EDIL3: variants seen among roughly 807,000 people sequenced by gnomAD.
EDIL3 encodes the protein EGF like and discoidin domains 3.
Under a neutral mutation model 67.4 loss-of-function variants are expected in EDIL3, and 37 were observed. That is an observed-to-expected ratio of 0.55 (90% CI 0.42 to 0.72). The LOEUF (loss-of-function observed/expected upper bound fraction) is 0.72, where lower values mean the gene tolerates loss of function less well. EDIL3 is among the 30% of genes least tolerant of loss of function. The pLI, the probability that EDIL3 is intolerant of heterozygous loss-of-function variation, is 0.00. For synonymous variants in EDIL3, 195 were observed against 196.3 expected, an observed-to-expected ratio of 0.99 and a Z score of 0.05; for missense variants, 527 against 586.3, an observed-to-expected ratio of 0.90 and a Z score of 1.04.
At chr5:84,103,516 C>T (rs1010167247) in intron 6 of EDIL3, among the ~76,000 whole-genome samples, 1 of 150,570 alleles carries the variant, frequency 6.6e-6, no homozygotes, top group Non-Finnish European at 1.5e-5. Context: ...CTTAAATTTT[C>T]AAGAAAAAAA....
At chr5:84,195,936 A>C (rs898999466) in intron 3 of EDIL3, among the ~76,000 whole-genome samples, 5 of 151,964 alleles carry the variant, frequency 3.3e-5, no homozygotes, top group African/African-American at 1.2e-4. Flanking sequence ...GGAGCTACCT[A>C]AGCCCACCTC....
chr5:84,165,691 C>T (rs1174573946), intron 4 of EDIL3, among the ~76,000 whole-genome samples: 1 of 152,040 alleles, frequency 6.6e-6, no homozygotes, highest in Non-Finnish European at 1.5e-5. Context: ...ATGGCTCTCT[C>T]GATAATCTTG....
intron 9 of EDIL3, among the ~76,000 whole-genome samples, chr5:84,019,495 T>C (rs902640924): frequency 2.6e-5 from 4 of 152,096 alleles, no homozygotes; most frequent in Admixed American, 1.3e-4. Context: ...TATACATATG[T>C]AACAAACCTG....
At chr5:84,327,372 T>G (rs1168142885) in intron 1 of EDIL3, among the ~76,000 whole-genome samples, 1 of 151,972 alleles carries the variant, frequency 6.6e-6, no homozygotes, top group East Asian at 1.9e-4. Flanking sequence ...TTCATTTTTC[T>G]TCTCTTTCAA....
chr5:84,349,231 G>A (rs1173331228), intron 1 of EDIL3, among the ~76,000 whole-genome samples: 2 of 152,142 alleles, frequency 1.3e-5, no homozygotes, highest in Admixed American at 6.6e-5. Flanking sequence ...TTTTCCGCAG[G>A]CTTGTGCTGT....
chr5:84,110,781 A>G (rs1234064968), intron 5 of EDIL3, among the ~76,000 whole-genome samples: 1 of 152,228 alleles, frequency 6.6e-6, no homozygotes, highest in African/African-American at 2.4e-5. Flanking sequence ...TGAAGCATAC[A>G]TACTTATGCA....
intron 1 of EDIL3, among the ~76,000 whole-genome samples, chr5:84,285,207 A>G (rs1745786527): frequency 6.6e-6 from 1 of 152,216 alleles, no homozygotes; most frequent in Non-Finnish European, 1.5e-5. Context: ...CACTATTAAT[A>G]TTCATTGATT....
intron 3 of EDIL3, among the ~76,000 whole-genome samples, chr5:84,207,368 T>C (rs1265932267): frequency 6.6e-6 from 1 of 152,132 alleles, no homozygotes; most frequent in African/African-American, 2.4e-5. Flanking sequence ...CAAGGAGAAC[T>C]ACAAACCACT....
chr5:84,217,491 G>C (rs564507143), intron 3 of EDIL3, among the ~76,000 whole-genome samples: 1 of 152,102 alleles, frequency 6.6e-6, no homozygotes, highest in Admixed American at 6.5e-5. Context: ...TTGACTTTAA[G>C]TAAAAAAGAT....
intron 6 of EDIL3, among the ~76,000 whole-genome samples, chr5:84,076,129 T>C (rs977328831): frequency 6.6e-6 from 1 of 151,906 alleles, no homozygotes; most frequent in African/African-American, 2.4e-5. Context: ...AAGAAAGAGT[T>C]ATTTTATATT....
chr5:84,186,955 T>C (rs1211970907), intron 3 of EDIL3, among the ~76,000 whole-genome samples: 2 of 152,070 alleles, frequency 1.3e-5, no homozygotes, highest in African/African-American at 4.8e-5. Context: ...GAGTGGTGAC[T>C]AGGAGCTTGT....
chr5:84,348,109 T>C (rs1747270403), intron 1 of EDIL3, among the ~76,000 whole-genome samples: 1 of 152,198 alleles, frequency 6.6e-6, no homozygotes, highest in Non-Finnish European at 1.5e-5. Flanking sequence ...AGAGTGATTA[T>C]TAAGCTAATG....
intron 1 of EDIL3, among the ~76,000 whole-genome samples, chr5:84,381,849 A>T (rs1359890497): frequency 6.6e-6 from 1 of 152,272 alleles, no homozygotes; most frequent in Non-Finnish European, 1.5e-5. Context: ...TAATTTTAAA[A>T]TAAAGACGAC....
At position 84,215,015 on chromosome 5, in the gene EDIL3, C is replaced by A. The variant is rs368803891; in HGVS notation, c.226+14840G>T. Among the ~76,000 whole-genome samples the A allele has an allele frequency of 5.9e-5, 9 of 152,094 alleles. No individual in the cohort carries two copies. The South Asian group carries it at 1.7e-3, about 28-fold the overall frequency. On this transcript the variant is annotated intron_variant, in intron 3 of 10. Coordinates refer to ENST00000296591, the MANE Select transcript of EDIL3 (RefSeq NM_005711.5). ...GATTATAGGCGTGAGCCACCGCACC[C>A]GGCCCTATGTGTGTTCTTGAATTAA...
intron 4 of EDIL3, among the ~76,000 whole-genome samples, chr5:84,144,523 T>A (rs184546812): frequency 2.6e-5 from 4 of 152,236 alleles, no homozygotes; most frequent in African/African-American, 9.6e-5. Flanking sequence ...TCTGGCAGAC[T>A]AGGGGATGTT....
At chr5:84,374,538 C>T (rs1342386281) in intron 1 of EDIL3, among the ~76,000 whole-genome samples, 22 of 152,020 alleles carry the variant, frequency 1.4e-4, no homozygotes, top group Non-Finnish European at 5.9e-5. Context: ...AGGTAAATTT[C>T]AACAGTTAAA....
At chr5:84,153,199 T>G (rs985391888) in intron 4 of EDIL3, among the ~76,000 whole-genome samples, 5 of 152,224 alleles carry the variant, frequency 3.3e-5, no homozygotes, top group Non-Finnish European at 5.9e-5. Context: ...ATAATGTATT[T>G]AAACCTACTA....
At chr5:83,956,856 A>G (rs140762591) in intron 10 of EDIL3, among the ~76,000 whole-genome samples, 1,830 of 151,878 alleles carry the variant, frequency 0.012, 48 homozygotes, top group African/African-American at 0.041. Context: ...ATACCTGTCT[A>G]TGTACACACA....
intron 5 of EDIL3, among the ~76,000 whole-genome samples, chr5:84,132,491 T>TTATGTATTTTATATATAA (rs1748002876): frequency 8.9e-6 from 1 of 111,950 alleles, no homozygotes; most frequent in African/African-American, 3.8e-5. Context: ...TTAATATATA[T>TTATGTATTTTATATATAA]TATATATTTT....
Sources: allele counts gnomAD v4.1 joint callset (sites outside exome capture counted in the v4.1 genomes callset), GRCh38; gene constraint gnomAD v4.1.1; transcripts MANE v1.5; gene names NCBI Gene and HGNC (gene_info 2026-07-23, HGNC 2026-07-21).